SHB: variants seen among roughly 807,000 people sequenced by gnomAD.
The protein encoded by SHB is SH2 domain containing adaptor protein B.
In SHB, 20 loss-of-function variants were observed where a neutral mutation model predicts 52.3. The observed-to-expected ratio is 0.38, with a 90% CI of 0.27 to 0.56. The LOEUF is 0.56. Among genes scored for constraint, SHB ranks in the 20% least tolerant of loss-of-function variants. SHB has a pLI of 0.71. For missense variants in SHB, 825 were observed against 723.3 expected, an observed-to-expected ratio of 1.14 and a Z score of -1.61; for synonymous variants, 397 against 316.5, an observed-to-expected ratio of 1.25 and a Z score of -2.70.
At chr9:38,039,761 C>G (rs1821546742) in intron 1 of SHB, among the ~76,000 whole-genome samples, 1 of 152,238 alleles carries the variant, frequency 6.6e-6, no homozygotes, top group South Asian at 2.1e-4. Flanking sequence ...GCCAGGCTGG[C>G]CGGGCCCACC....
chr9:37,929,569 C>T (rs1323845100), intron 5 of SHB, among the ~76,000 whole-genome samples: 4 of 152,176 alleles, frequency 2.6e-5, no homozygotes, highest in East Asian at 1.9e-4. Context: ...GTTTCCCATA[C>T]GTCTGCTCTG....
chr9:37,947,573 C>T (rs558384851), intron 5 of SHB, among the ~76,000 whole-genome samples: 1 of 152,344 alleles, frequency 6.6e-6, no homozygotes, highest in Non-Finnish European at 1.5e-5. Flanking sequence ...CCATGCCTGC[C>T]GCCCTCCTGA....
chr9:37,996,593 T>C (rs930878226), intron 2 of SHB, among the ~76,000 whole-genome samples: 3 of 152,240 alleles, frequency 2.0e-5, no homozygotes, highest in Non-Finnish European at 4.4e-5. Context: ...TCTCCTAATG[T>C]TGGACAGACA....
chr9:37,993,901 T>C (rs1820914281), intron 2 of SHB, among the ~76,000 whole-genome samples: 1 of 152,104 alleles, frequency 6.6e-6, no homozygotes, highest in African/African-American at 2.4e-5. Context: ...CTCAAAGACC[T>C]ACAAAAAACT....
At chr9:37,966,197 C>T (rs1463106220) in intron 3 of SHB, among the ~76,000 whole-genome samples, 3 of 152,200 alleles carry the variant, frequency 2.0e-5, no homozygotes, top group Non-Finnish European at 4.4e-5. Flanking sequence ...CAGGTGTGAA[C>T]AAGACAGGCA....
intron 3 of SHB, among the ~76,000 whole-genome samples, chr9:37,960,160 C>T (rs558537505): frequency 1.3e-5 from 2 of 152,306 alleles, no homozygotes; most frequent in South Asian, 4.1e-4. Flanking sequence ...TTAGGCAAAT[C>T]ATTTCACCTA....
intron 5 of SHB, among the ~76,000 whole-genome samples, chr9:37,929,995 G>A (rs1292823797): frequency 6.6e-6 from 1 of 152,174 alleles, no homozygotes; most frequent in Non-Finnish European, 1.5e-5. Flanking sequence ...CCGGCTACTT[G>A]GGAGGCTGAG....
chr9:37,965,574 A>G (rs1820502027), intron 3 of SHB, among the ~76,000 whole-genome samples: 1 of 125,924 alleles, frequency 7.9e-6, no homozygotes, highest in African/African-American at 3.1e-5. Flanking sequence ...TTACTCAAAT[A>G]TCTTTTTTTT....
chr9:38,051,440 TAAAAAAAAA>T (rs59860349), intron 1 of SHB, among the ~76,000 whole-genome samples: 3 of 107,540 alleles, frequency 2.8e-5, no homozygotes, highest in Non-Finnish European at 5.5e-5. Context: ...AGACTCCGTC[TAAAAAAAAA>T]AAAAAAAAAA....
At chr9:38,031,306 C>T (rs963992719) in intron 1 of SHB, among the ~76,000 whole-genome samples, 1 of 151,854 alleles carries the variant, frequency 6.6e-6, no homozygotes, top group Non-Finnish European at 1.5e-5. Flanking sequence ...GGTGACAGAG[C>T]GAGAGACTAT....
chr9:38,068,264 A>G lies in SHB; in HGVS notation c.382T>C (p.Phe128Leu), dbSNP rs901970820. ...GCGCCCGACGCGGACGAGGCCGAGA[A>G]GGCGCGCTGGACCCCGCCTGGCTCC... ...SGEPGGVQRA[F>L]SASSASGAAG... The change falls in exon 1 of 6, where the codon TTC (phenylalanine) becomes CTC (leucine). Residue 128 changes from phenylalanine (F) to leucine (L), a missense_variant. By Grantham distance (22) the Phe-to-Leu change is conservative. Coordinates refer to ENST00000377707, the MANE Select transcript of SHB (RefSeq NM_003028.3). 7.2e-5 allele frequency: 104 copies of G among 1,451,286 alleles called. No individual in the cohort carries two copies. The highest frequency in any genetic ancestry group is 8.6e-5 in the Non-Finnish European group (96 of 1,110,654). 89.9% of individuals were successfully genotyped at this position (1,451,286 alleles called of 1,614,324 possible). A position where few individuals can be genotyped will look rare whatever the true frequency, so the allele number is the denominator to read the frequency against.
chr9:37,949,543 G>C (rs1232461198), intron 4 of SHB, among the ~76,000 whole-genome samples: 2 of 152,214 alleles, frequency 1.3e-5, no homozygotes, highest in Non-Finnish European at 2.9e-5. Flanking sequence ...CGAAGGCCAA[G>C]GCAGAAGGCT....
chr9:37,955,776 C>A (rs1460705949), intron 4 of SHB, 107 bp downstream of exon 4: 3 of 1,129,280 alleles, frequency 2.7e-6, no homozygotes, highest in African/African-American at 3.1e-5. Flanking sequence ...GTGTGAGCCA[C>A]CACGCCCGGC....
At chr9:37,932,814 G>A (rs902377485) in intron 5 of SHB, among the ~76,000 whole-genome samples, 9 of 152,110 alleles carry the variant, frequency 5.9e-5, no homozygotes, top group African/African-American at 1.9e-4. Flanking sequence ...GAGGTCTCAC[G>A]ACGTTGCCCA....
intron 4 of SHB, among the ~76,000 whole-genome samples, chr9:37,951,419 T>C (rs1005099610): frequency 3.3e-5 from 5 of 152,232 alleles, no homozygotes; most frequent in African/African-American, 1.2e-4. Context: ...AAAGGCTACA[T>C]GGCTGTAATC....
intron 2 of SHB, among the ~76,000 whole-genome samples, chr9:38,002,535 G>C (rs1821028428): frequency 6.6e-6 from 1 of 152,100 alleles, no homozygotes; most frequent in Admixed American, 6.5e-5. Context: ...TGACTGGAAG[G>C]GGCCCTGGGC....
chr9:38,002,092 G>A (rs767033816), intron 2 of SHB, among the ~76,000 whole-genome samples: 2 of 152,034 alleles, frequency 1.3e-5, no homozygotes, highest in East Asian at 1.9e-4. Flanking sequence ...ACCCTGGGTG[G>A]GTCACTTCGA....
intron 2 of SHB, among the ~76,000 whole-genome samples, chr9:37,983,792 G>A (rs533294403): frequency 1.3e-5 from 2 of 152,338 alleles, no homozygotes; most frequent in South Asian, 4.1e-4. Flanking sequence ...AGGGTTGCAG[G>A]TAGATTAGGC....
intron 2 of SHB, among the ~76,000 whole-genome samples, chr9:37,975,915 G>T (rs182072058): frequency 3.9e-5 from 6 of 152,206 alleles, no homozygotes; most frequent in African/African-American, 1.4e-4. Flanking sequence ...AGCAGGAGAG[G>T]GGTGGCTTCC....
Sources: gnomAD v4.1 joint callset for allele counts (sites outside exome capture counted in the v4.1 genomes callset) on GRCh38, gnomAD v4.1.1 for gene constraint, MANE v1.5 for transcripts, NCBI Gene and HGNC (gene_info 2026-07-23, HGNC 2026-07-21) for gene names.